The following RASGRF2 variants were observed in gnomAD, a reference collection of about 807,000 sequenced individuals.
The protein encoded by RASGRF2 is Ras protein specific guanine nucleotide releasing factor 2, also known as ras-specific guanine nucleotide-releasing factor 2.
Under a neutral mutation model 151.0 loss-of-function variants are expected in RASGRF2, and 76 were observed. The observed-to-expected ratio is 0.50, with a 90% CI of 0.42 to 0.61. RASGRF2 has a LOEUF of 0.61. Among genes scored for constraint, RASGRF2 ranks in the 20% least tolerant of loss-of-function variants. The probability of loss-of-function intolerance (pLI) is 0.00; values close to 1 mark genes in which losing one functional copy is unlikely to be tolerated. For missense variants in RASGRF2, 1,148 were observed against 1,564.6 expected (o/e 0.73, Z 4.49); for synonymous variants, 504 against 566.5 (o/e 0.89, Z 1.57).
At chr5:81,082,296 G>A (rs1470016693) in intron 7 of RASGRF2, among the ~76,000 whole-genome samples, 1 of 152,140 alleles carries the variant, frequency 6.6e-6, no homozygotes, top group Non-Finnish European at 1.5e-5. Flanking sequence ...GCGAATGTAG[G>A]TCCTTGGAAA....
intron 3 of RASGRF2, among the ~76,000 whole-genome samples, chr5:81,069,387 C>T (rs534984671): frequency 6.6e-6 from 1 of 152,342 alleles, no homozygotes; most frequent in Non-Finnish European, 1.5e-5. Flanking sequence ...TTTTAAAAGA[C>T]TATATCAGGC....
At chr5:81,112,995 C>T in intron 14 of RASGRF2, 137 bp downstream of exon 14, 2 of 1,163,394 alleles carry the variant, frequency 1.7e-6, no homozygotes, top group East Asian at 2.6e-5. Context: ...TACCATGCCC[C>T]TCCAGCAGAA....
At chr5:81,034,819 G>A (rs1408277282) in intron 1 of RASGRF2, among the ~76,000 whole-genome samples, 1 of 143,254 alleles carries the variant, frequency 7.0e-6, no homozygotes, top group Non-Finnish European at 1.5e-5. Flanking sequence ...GGGGGGTAGG[G>A]ATAGCATTGG....
At chr5:81,149,585 C>G (rs1409276330) in intron 17 of RASGRF2, among the ~76,000 whole-genome samples, 1 of 151,752 alleles carries the variant, frequency 6.6e-6, no homozygotes, top group Admixed American at 6.6e-5. Context: ...ATCACTTATC[C>G]ATGTAACCAG....
chr5:81,141,030 A>G (rs1753873390), intron 17 of RASGRF2, among the ~76,000 whole-genome samples: 2 of 151,892 alleles, frequency 1.3e-5, no homozygotes, highest in Admixed American at 6.6e-5. Flanking sequence ...ATTTATGTGA[A>G]ATTTTCTGTT....
At chr5:81,087,940 C>G (rs1752286996) in intron 9 of RASGRF2, 1 of 152,330 alleles carries the variant, frequency 6.6e-6, no homozygotes, top group Admixed American at 6.5e-5. Flanking sequence ...TTAATTTTTG[C>G]ACAGACTACT....
intron 2 of RASGRF2, among the ~76,000 whole-genome samples, chr5:81,044,491 C>T (rs1428741894): frequency 6.6e-6 from 1 of 152,134 alleles, no homozygotes; most frequent in African/African-American, 2.4e-5. Flanking sequence ...TTGACGCTTT[C>T]TCTGAAAGTC....
At chr5:81,159,742 A>G (rs138589975) in intron 17 of RASGRF2, among the ~76,000 whole-genome samples, 72 of 152,378 alleles carry the variant, frequency 4.7e-4, no homozygotes, top group African/African-American at 1.6e-3. Context: ...TAAAAAGAAC[A>G]TATAATTTCA....
chr5:81,005,446 G>T (rs967988466), intron 1 of RASGRF2, among the ~76,000 whole-genome samples: 5 of 152,120 alleles, frequency 3.3e-5, no homozygotes, highest in Non-Finnish European at 5.9e-5. Context: ...CTCCCACCAG[G>T]TTCTACCCAC....
chr5:80,970,259 T>C (rs943007497), intron 1 of RASGRF2, among the ~76,000 whole-genome samples: 2 of 152,244 alleles, frequency 1.3e-5, no homozygotes, highest in African/African-American at 4.8e-5. Context: ...AAGTGTGTAG[T>C]TGGCTTTTTC....
chr5:81,186,090 C>G (rs1458529699), intron 18 of RASGRF2, among the ~76,000 whole-genome samples: 3 of 152,214 alleles, frequency 2.0e-5, no homozygotes, highest in Non-Finnish European at 4.4e-5. Flanking sequence ...CTAACTCACT[C>G]CAGTTCTCTT....
chr5:81,074,262 A>G (rs1284958155), intron 5 of RASGRF2, among the ~76,000 whole-genome samples: 1 of 152,204 alleles, frequency 6.6e-6, no homozygotes, highest in Non-Finnish European at 1.5e-5. Context: ...AATGAACAGC[A>G]TTAGTGAAAT....
At chr5:81,022,393 C>A (rs1262318751) in intron 1 of RASGRF2, among the ~76,000 whole-genome samples, 1 of 152,112 alleles carries the variant, frequency 6.6e-6, no homozygotes, top group Non-Finnish European at 1.5e-5. Context: ...GCTGGGACAC[C>A]AATCTTACTG....
At chr5:81,056,588 G>A (rs555979543) in intron 2 of RASGRF2, among the ~76,000 whole-genome samples, 2 of 152,198 alleles carry the variant, frequency 1.3e-5, no homozygotes, top group Non-Finnish European at 2.9e-5. Flanking sequence ...GTGGTGCTGA[G>A]AAGAATGTAT....
intron 1 of RASGRF2, among the ~76,000 whole-genome samples, chr5:80,978,324 A>G (rs1227203196): frequency 6.6e-6 from 1 of 152,206 alleles, no homozygotes; most frequent in East Asian, 1.9e-4. Flanking sequence ...TTTTTTATTT[A>G]TAAAAGTAAT....
rs558905227 is a variant in RASGRF2 at position 81,215,105 on chromosome 5, G to A, written c.3355-771G>A. On this transcript the variant is annotated intron_variant, in intron 23 of 26. Coordinates refer to ENST00000265080, the MANE Select transcript of RASGRF2 (RefSeq NM_006909.3). ...TGTAATCCCCACATTTTGGGAGGCC[G>A]AGGCGGGCAGATCACTCGAGGTCAG... 8.5e-5 allele frequency among the ~76,000 whole-genome samples: 13 copies of A among 152,064 alleles called. No homozygotes were observed. In the South Asian group the frequency reaches 1.3e-3, roughly 15 times the overall value.
chr5:81,064,196 T>C (rs1469518910), intron 2 of RASGRF2, among the ~76,000 whole-genome samples: 1 of 152,194 alleles, frequency 6.6e-6, no homozygotes, highest in East Asian at 1.9e-4. Context: ...CTAGGTTCGC[T>C]TCCTTACCAG....
At chr5:81,025,211 C>A (rs954450510) in intron 1 of RASGRF2, among the ~76,000 whole-genome samples, 6 of 152,214 alleles carry the variant, frequency 3.9e-5, no homozygotes, top group Non-Finnish European at 8.8e-5. Flanking sequence ...CTAAGACAAG[C>A]CCAGCCTGGC....
In RASGRF2 at chr5:81,227,435, C is replaced by T. The variant is rs1243330639; in HGVS notation, c.*1665C>T. 2.0e-5 allele frequency: 3 copies of T among 152,218 alleles called. No individual in the cohort carries two copies. The highest frequency in any genetic ancestry group is 6.5e-5 in the Admixed American group (1 of 15,290). 9.4% of individuals were successfully genotyped at this position (152,218 alleles called of 1,614,324 possible). A position where few individuals can be genotyped will look rare whatever the true frequency, so the allele number is the denominator to read the frequency against. ...TAGTTCATATTAGCCAACAGTGTAG[C>T]ACTCAACCCAAGGAGGGTTCCTTAT... On this transcript the variant is annotated 3_prime_UTR_variant, in exon 27 of 27. Transcript: ENST00000265080.
Sources: gnomAD v4.1 joint callset for allele counts (sites outside exome capture counted in the v4.1 genomes callset) on GRCh38, gnomAD v4.1.1 for gene constraint, MANE v1.5 for transcripts, NCBI Gene and HGNC (gene_info 2026-07-23, HGNC 2026-07-21) for gene names.